The following ARHGEF38 variants were observed in gnomAD, a reference collection of about 807,000 sequenced individuals.
ARHGEF38 encodes Rho guanine nucleotide exchange factor (GEF) 38.
In ARHGEF38, 79 loss-of-function variants were observed where a neutral mutation model predicts 79.9. The ratio of observed to expected loss-of-function variants is 0.99; its 90% CI spans 0.82 to 1.19. ARHGEF38 has a LOEUF of 1.19. Ranked by LOEUF, ARHGEF38 falls within the 50% of genes most tolerant of loss-of-function variation. The pLI is 0.00. For synonymous variants in ARHGEF38, 366 were observed against 328.3 expected, an observed-to-expected ratio of 1.11 and a Z score of -1.24; for missense variants, 962 against 907.2, an observed-to-expected ratio of 1.06 and a Z score of -0.78.
chr4:105,568,347 C>T (rs978149134), intron 1 of ARHGEF38, among the ~76,000 whole-genome samples: 4 of 151,276 alleles, frequency 2.6e-5, no homozygotes, highest in African/African-American at 9.7e-5. Flanking sequence ...ACAACAGGTG[C>T]TGGAGAGGAT....
downstream of ARHGEF38, among the ~76,000 whole-genome samples, chr4:105,681,804 T>A (rs926367352): frequency 1.3e-5 from 2 of 152,188 alleles, no homozygotes; most frequent in African/African-American, 4.8e-5. Flanking sequence ...ATCTCAAGAA[T>A]TAATCATTAT....
At chr4:105,655,952 T>C (rs1578352898) in intron 9 of ARHGEF38, among the ~76,000 whole-genome samples, 1 of 152,248 alleles carries the variant, frequency 6.6e-6, no homozygotes, top group East Asian at 1.9e-4. Context: ...ATTGTGTTTC[T>C]AGGGGTAGCC....
At chr4:105,613,175 A>G (rs1728368137) in intron 2 of ARHGEF38, among the ~76,000 whole-genome samples, 1 of 152,210 alleles carries the variant, frequency 6.6e-6, no homozygotes, top group African/African-American at 2.4e-5. Flanking sequence ...AACATATTCA[A>G]AATTTTTTTA....
At chr4:105,635,285 A>G (rs1357116487) in intron 4 of ARHGEF38, among the ~76,000 whole-genome samples, 3 of 152,158 alleles carry the variant, frequency 2.0e-5, no homozygotes, top group Non-Finnish European at 2.9e-5. Flanking sequence ...TGATGAACAA[A>G]TAAAAAGATG....
chr4:105,658,566 G>T (rs1730431961), intron 9 of ARHGEF38, among the ~76,000 whole-genome samples: 2 of 152,122 alleles, frequency 1.3e-5, no homozygotes, highest in Admixed American at 1.3e-4. Context: ...GATATGGGAA[G>T]AATAGGGTAC....
At chr4:105,676,198 A>T (rs1186979318) in intron 13 of ARHGEF38, among the ~76,000 whole-genome samples, 1 of 152,146 alleles carries the variant, frequency 6.6e-6, no homozygotes, top group Non-Finnish European at 1.5e-5. Flanking sequence ...AGTTTCCCTT[A>T]CCTATTGAAT....
At chr4:105,557,732 G>A (rs1040192036) in intron 1 of ARHGEF38, among the ~76,000 whole-genome samples, 2 of 152,022 alleles carry the variant, frequency 1.3e-5, no homozygotes, top group Non-Finnish European at 2.9e-5. Context: ...TTAGGAATAA[G>A]ATCAACTTGA....
intron 3 of ARHGEF38, among the ~76,000 whole-genome samples, chr4:105,624,802 A>G (rs1472058888): frequency 1.3e-5 from 2 of 152,198 alleles, no homozygotes; most frequent in Non-Finnish European, 2.9e-5. Flanking sequence ...CGCGGGGAGC[A>G]ACCCTTGAAC....
At chr4:105,555,623 T>C (rs1725218500) in intron 1 of ARHGEF38, among the ~76,000 whole-genome samples, 2 of 152,188 alleles carry the variant, frequency 1.3e-5, no homozygotes, top group South Asian at 2.1e-4. Context: ...CCTAAAGCTC[T>C]TGTGAGGTCA....
intron 4 of ARHGEF38, chr4:105,631,583 C>A: frequency 2.0e-6 from 2 of 985,356 alleles, no homozygotes; most frequent in Non-Finnish European, 2.4e-6. Flanking sequence ...GGGAGCTACA[C>A]AATGTACTTT....
chr4:105,661,507 A>C (rs372538590), intron 10 of ARHGEF38, among the ~76,000 whole-genome samples: 1 of 142,380 alleles, frequency 7.0e-6, no homozygotes, highest in Non-Finnish European at 1.6e-5. Context: ...TATTATTATT[A>C]TTATTATTAT....
At chr4:105,661,622 T>G (rs887083421) in intron 10 of ARHGEF38, among the ~76,000 whole-genome samples, 2 of 151,868 alleles carry the variant, frequency 1.3e-5, no homozygotes, top group Admixed American at 6.6e-5. Context: ...AAGTAATAAC[T>G]TCTATACATT....
chr4:105,674,892 A>G (rs1210818257), intron 13 of ARHGEF38, among the ~76,000 whole-genome samples: 1 of 152,172 alleles, frequency 6.6e-6, no homozygotes, highest in African/African-American at 2.4e-5. Flanking sequence ...TTCTATTAGT[A>G]GGCAATCTAA....
chr4:105,562,438 C>CA (rs1725680728), intron 1 of ARHGEF38, among the ~76,000 whole-genome samples: 1 of 152,128 alleles, frequency 6.6e-6, no homozygotes, highest in Non-Finnish European at 1.5e-5. Flanking sequence ...CTTGCTTTTA[C>CA]AATTCTGTCA....
intron 7 of ARHGEF38, 146 bp downstream of exon 7, chr4:105,648,828 C>A: frequency 3.2e-6 from 2 of 633,552 alleles, no homozygotes; most frequent in Non-Finnish European, 5.0e-6. Context: ...CCCTCTCTCT[C>A]TCTCTCTCTC....
intron 3 of ARHGEF38, among the ~76,000 whole-genome samples, chr4:105,625,757 C>A (rs957659563): frequency 1.3e-5 from 2 of 152,186 alleles, no homozygotes; most frequent in African/African-American, 4.8e-5. Flanking sequence ...TGATTTGGGG[C>A]AGCCAAAACT....
In ARHGEF38 at chr4:105,679,368, C is replaced by G; in HGVS notation, c.*1431C>G. 8.3e-7 allele frequency: 1 copy of G among 1,209,056 alleles called. No homozygotes were observed. The highest frequency in any genetic ancestry group is 1.2e-6 in the Non-Finnish European group (1 of 816,736). 74.9% of individuals were successfully genotyped at this position (1,209,056 alleles called of 1,614,324 possible). On this transcript the variant is annotated 3_prime_UTR_variant, in exon 14 of 14. Transcript: ENST00000420470. ...AACACCCATATTTCCTTTCAGGAGG[C>G]ACACTCTGGTAATCTGAGACACTGC...
In ARHGEF38 at chr4:105,669,313, T is replaced by C. The variant is rs187125461; in HGVS notation, c.2148+1610T>C. Reference sequence around the variant, plus strand: ...ATTTTATGTATATAATTTATGTAACTATCAGCCTAATAATAGATACATAGA... The same window carrying C: ...ATTTTATGTATATAATTTATGTAACCATCAGCCTAATAATAGATACATAGA... On this transcript the variant is annotated intron_variant, in intron 13 of 13. Coordinates refer to ENST00000420470, the MANE Select transcript of ARHGEF38 (RefSeq NM_001242729.2). Among the ~76,000 whole-genome samples the C allele has an allele frequency of 2.9e-3, 447 of 152,310 alleles. 1 individual carries two copies. The highest frequency in any genetic ancestry group is 5.0e-3 in the Non-Finnish European group (339 of 68,024).
At position 105,613,438 on chromosome 4, in the gene ARHGEF38, A is replaced by T; in HGVS notation, c.439A>T (p.Ile147Leu). ...LFSNIESVHQISAKLLSLLEE... is the reference protein window; with the variant it reads ...LFSNIESVHQLSAKLLSLLEE... The stretch of plus-strand genomic sequence containing the variant: ...TAGCAACATTGAGTCCGTGCATCAG[A>T]TATCAGCCAAGCTGCTGTCATTGTT... Residue 147 changes from isoleucine (I) to leucine (L), a missense_variant, in exon 3 of 14, where the codon ATA (isoleucine) becomes TTA (leucine). By Grantham distance (5) the Ile-to-Leu change is conservative. Transcript: ENST00000420470. The T allele has an allele frequency of 1.2e-6, 2 of 1,613,470 alleles. No individual in the cohort carries two copies. The highest frequency in any genetic ancestry group is 1.7e-6 in the Non-Finnish European group (2 of 1,179,544).
Sources: gnomAD v4.1 joint callset for allele counts (sites outside exome capture counted in the v4.1 genomes callset) on GRCh38, gnomAD v4.1.1 for gene constraint, MANE v1.5 for transcripts, NCBI Gene and HGNC (gene_info 2026-07-23, HGNC 2026-07-21) for gene names.